The following CDH6 variants were observed in gnomAD, a reference collection of about 807,000 sequenced individuals.
CDH6 encodes cadherin 6, also known as cadherin-6.
In CDH6, 31 loss-of-function variants were observed where a neutral mutation model predicts 78.0. The ratio of observed to expected loss-of-function variants is 0.40; its 90% confidence interval spans 0.30 to 0.54. The LOEUF (loss-of-function observed/expected upper bound fraction) is 0.54. Ranked by LOEUF, CDH6 falls within the 20% of genes least tolerant of loss-of-function variation. The pLI, the probability that CDH6 is intolerant of heterozygous loss-of-function variation, is 0.56. For missense variants in CDH6, 724 were observed against 975.9 expected (o/e 0.74, Z 3.44); for synonymous variants, 376 against 368.8 (o/e 1.02, Z -0.23).
chr5:31,251,199 G>A (rs533265365), intron 1 of CDH6: 2 of 152,262 alleles, frequency 1.3e-5, no homozygotes, highest in Non-Finnish European at 2.9e-5. Context: ...ACTCAGTCTT[G>A]TGGGAGGCGC....
At chr5:31,303,127 C>A (rs189243657) in intron 6 of CDH6, among the ~76,000 whole-genome samples, 1 of 152,102 alleles carries the variant, frequency 6.6e-6, no homozygotes, top group East Asian at 1.9e-4. Context: ...AAATGATATT[C>A]GTAAAAATAT....
intron 1 of CDH6, among the ~76,000 whole-genome samples, chr5:31,246,100 C>A (rs1388974142): frequency 6.6e-6 from 1 of 151,614 alleles, no homozygotes; most frequent in Admixed American, 6.6e-5. Flanking sequence ...TTAGTAGAGA[C>A]AGGGTTTCAC....
At chr5:31,252,278 G>A (rs1350008342) in intron 1 of CDH6, among the ~76,000 whole-genome samples, 1 of 151,650 alleles carries the variant, frequency 6.6e-6, no homozygotes, top group Admixed American at 6.6e-5. Flanking sequence ...CTAAAGACAG[G>A]ATGTCAGAAA....
intron 1 of CDH6, among the ~76,000 whole-genome samples, chr5:31,206,805 T>C (rs768130186): frequency 2.0e-4 from 30 of 152,184 alleles, no homozygotes; most frequent in Non-Finnish European, 3.7e-4. Flanking sequence ...TAGCTTTGAG[T>C]TTCATGATTT....
At position 31,284,516 on chromosome 5, in the gene CDH6, GT is replaced by G. The variant is rs1444915893; in HGVS notation, c.229-9443del. On this transcript the variant is annotated intron_variant, in intron 2 of 11. Coordinates refer to ENST00000265071, the MANE Select transcript of CDH6 (RefSeq NM_004932.4). ...GATCACGTGGTGAGGGAGAAGCCCTGTTTCATTCCCATGAGCCTTCCTGGGC... is the reference window on the plus strand; with the variant it reads ...GATCACGTGGTGAGGGAGAAGCCCTGTTCATTCCCATGAGCCTTCCTGGGC... 2.0e-5 allele frequency among the ~76,000 whole-genome samples: 3 copies of G among 152,332 alleles called. No homozygotes were observed. The East Asian group carries it at 5.8e-4, about 29-fold the overall frequency.
At chr5:31,298,862 C>G (rs958389819) in intron 4 of CDH6, among the ~76,000 whole-genome samples, 4 of 152,030 alleles carry the variant, frequency 2.6e-5, no homozygotes, top group African/African-American at 9.7e-5. Context: ...ACCTTAATTC[C>G]AAAATTCTCT....
chr5:31,302,900 AAAAAAAGAAAGAAAGAAAGAAAG>A (rs1737841595), intron 6 of CDH6, among the ~76,000 whole-genome samples: 1 of 138,120 alleles, frequency 7.2e-6, no homozygotes, highest in African/African-American at 2.8e-5. Context: ...AGAAAGAAAG[AAAAAAAGAAAGAAAGAAAGAAAG>A]AAAGAAAGAA....
At chr5:31,302,942 A>AGAAAGAAAGAAAGAAAGAAG (rs1737855843) in intron 6 of CDH6, among the ~76,000 whole-genome samples, 1 of 130,928 alleles carries the variant, frequency 7.6e-6, no homozygotes, top group African/African-American at 2.5e-5. Context: ...AAAGAAAGAA[A>AGAAAGAAAGAAAGAAAGAAG]GAAAGAAAGA....
At position 31,313,527 on chromosome 5, in the gene CDH6, A is replaced by G. The variant is rs1738214149; in HGVS notation, c.1390+73A>G. ...GTCCCAGCAAGGGCTGGTGGAGCGT[A>G]GCTTGTCACCATGTATTGACAATCC... On this transcript the variant is annotated intron_variant, in intron 8 of 11. Transcript: ENST00000265071. 4 of 1,404,994 alleles carry G rather than the reference A, an allele frequency of 2.8e-6. No homozygotes were observed. In the African/African-American group the frequency reaches 5.7e-5, roughly 20 times the overall value. The allele number at this position is 1,404,994 out of a possible 1,614,324, so 87.0% of individuals were successfully genotyped here.
rs2149964112 is a variant in CDH6 at position 31,327,008 on chromosome 5, T to G, written c.*3700T>G. 5.7e-6 allele frequency: 1 copy of G among 175,138 alleles called. No individual in the cohort carries two copies. The highest frequency in any genetic ancestry group is 1.2e-5 in the Non-Finnish European group (1 of 81,128). 10.8% of individuals were successfully genotyped at this position (175,138 alleles called of 1,614,324 possible). A position where few individuals can be genotyped will look rare whatever the true frequency, so the allele number is the denominator to read the frequency against. On this transcript the variant is annotated 3_prime_UTR_variant, in exon 12 of 12. Transcript: ENST00000265071. ...CGCGCCCGGCCTTAAAAATTGAATC[T>G]GTAGCTTAGGCCATCCAAATTTTAT...
At chr5:31,250,544 A>T (rs1212231004) in intron 1 of CDH6, 1 of 152,820 alleles carries the variant, frequency 6.5e-6, no homozygotes, top group Non-Finnish European at 1.5e-5. Context: ...CCCCACACCA[A>T]GGAAGATGCC....
intron 1 of CDH6, among the ~76,000 whole-genome samples, chr5:31,265,072 A>G (rs1316834800): frequency 6.6e-6 from 1 of 152,222 alleles, no homozygotes; most frequent in East Asian, 1.9e-4. Context: ...GCAGACGTGT[A>G]ATTCTTCACT....
Position 31,302,822 on chromosome 5 carries a change from A to G in CDH6, c.999+524A>G, listed in dbSNP as rs563151986. Among the ~76,000 whole-genome samples, 53 of 147,438 alleles carry G rather than the reference A, an allele frequency of 3.6e-4. No homozygotes were observed. In the South Asian group the frequency reaches 0.011, roughly 30 times the overall value. On this transcript the variant is annotated intron_variant, in intron 6 of 11. Transcript: ENST00000265071. ...AGAGAAAGAAAGAAAGAAAGAAAGA[A>G]AGAAAGAAAGAAAGAAAGAAAGAAA...
At chr5:31,271,289 A>G (rs1197015482) in intron 2 of CDH6, among the ~76,000 whole-genome samples, 1 of 152,116 alleles carries the variant, frequency 6.6e-6, no homozygotes, top group African/African-American at 2.4e-5. Flanking sequence ...CAGGTGTAGA[A>G]GGGAGGAAAA....
At chr5:31,256,581 T>C (rs2149927639) in intron 1 of CDH6, among the ~76,000 whole-genome samples, 1 of 152,324 alleles carries the variant, frequency 6.6e-6, no homozygotes, top group East Asian at 1.9e-4. Flanking sequence ...GTCTTTTGTT[T>C]TTGTTTTTCA....
rs1738673864 is a variant in CDH6, at chr5:31,328,945, G to T, written c.*5637G>T. On this transcript the variant is annotated 3_prime_UTR_variant, in exon 12 of 12. Coordinates refer to ENST00000265071, the MANE Select transcript of CDH6 (RefSeq NM_004932.4). Reference sequence around the variant, plus strand: ...ATTACCTTTTAGCTCAGTGTGGCCGGGCCTTTTGTTGCAGTCAAATGGCAA... The same window carrying T: ...ATTACCTTTTAGCTCAGTGTGGCCGTGCCTTTTGTTGCAGTCAAATGGCAA... The T allele has an allele frequency of 4.5e-6, 1 of 221,530 alleles. No homozygotes were observed. 13.7% of individuals were successfully genotyped at this position (221,530 alleles called of 1,614,324 possible). A position where few individuals can be genotyped will look rare whatever the true frequency, so the allele number is the denominator to read the frequency against.
intron 7 of CDH6, among the ~76,000 whole-genome samples, chr5:31,309,325 A>T (rs988566047): frequency 2.0e-5 from 3 of 152,204 alleles, no homozygotes; most frequent in African/African-American, 7.2e-5. Context: ...TATATTGTTC[A>T]TTATAATTCA....
intron 1 of CDH6, among the ~76,000 whole-genome samples, chr5:31,225,676 G>A (rs918841356): frequency 6.6e-6 from 1 of 152,032 alleles, no homozygotes; most frequent in African/African-American, 2.4e-5. Flanking sequence ...ACAGCAAGAG[G>A]GAAGTTCACC....
intron 8 of CDH6, 89 bp from the exon 9 acceptor site, chr5:31,316,119 T>G: frequency 1.7e-4 from 236 of 1,386,924 alleles, no homozygotes; most frequent in Non-Finnish European, 2.1e-4. Context: ...TGTGCATGAA[T>G]GAGAATGAAG....
Sources: allele counts gnomAD v4.1 joint callset (sites outside exome capture counted in the v4.1 genomes callset), GRCh38; gene constraint gnomAD v4.1.1; transcripts MANE v1.5; gene names NCBI Gene and HGNC (gene_info 2026-07-23, HGNC 2026-07-21).